The following QTMAN variants were observed in gnomAD, a reference collection of about 807,000 sequenced individuals.
The protein encoded by QTMAN is tRNA-queuosine alpha-mannosyltransferase.
At chr2:143,963,524 TTG>T in the QTMAN span, among the ~76,000 whole-genome samples, 1 of 152,008 alleles carries the variant, frequency 6.6e-6, no homozygotes, top group Non-Finnish European at 1.5e-5. Flanking sequence ...ATGGTACTCT[TTG>T]AAAAGTTCTC....
the QTMAN span, among the ~76,000 whole-genome samples, chr2:144,136,414 G>GGAAAGGAAAC: frequency 6.9e-6 from 1 of 144,712 alleles, no homozygotes; most frequent in African/African-American, 2.6e-5. Context: ...GGAAAGGAAA[G>GGAAAGGAAAC]GAAAGGAAAG....
At chr2:143,957,376 T>C in the QTMAN span, 1 of 1,397,118 alleles carries the variant, frequency 7.2e-7, no homozygotes, top group Non-Finnish European at 9.7e-7. Flanking sequence ...ATCTATTTAA[T>C]ATAGTGTAAA....
the QTMAN span, among the ~76,000 whole-genome samples, chr2:144,297,281 G>A: frequency 5.3e-5 from 8 of 152,058 alleles, no homozygotes; most frequent in African/African-American, 1.4e-4. Flanking sequence ...ACTGAATTCA[G>A]ACATTGTTTT....
the QTMAN span, among the ~76,000 whole-genome samples, chr2:144,130,855 C>G: frequency 6.6e-6 from 1 of 151,854 alleles, no homozygotes; most frequent in African/African-American, 2.4e-5. Context: ...ACCACACTGT[C>G]TTATCAACAT....
chr2:144,218,804 T>C, the QTMAN span, among the ~76,000 whole-genome samples: 1 of 150,820 alleles, frequency 6.6e-6, no homozygotes, highest in Non-Finnish European at 1.5e-5. Flanking sequence ...ATGAAATAAA[T>C]GTCACTGAGT....
the QTMAN span, among the ~76,000 whole-genome samples, chr2:144,180,540 T>A: frequency 6.6e-6 from 1 of 152,216 alleles, no homozygotes; most frequent in Admixed American, 6.5e-5. Flanking sequence ...GTAAAGATGG[T>A]ATTTTTGATG....
the QTMAN span, among the ~76,000 whole-genome samples, chr2:143,983,471 T>G: frequency 8.1e-6 from 1 of 123,974 alleles, no homozygotes; most frequent in Admixed American, 8.2e-5. Context: ...TTTTGAGGTT[T>G]TTTTTTTTTT....
chr2:144,097,519 G>A, the QTMAN span, among the ~76,000 whole-genome samples: 6 of 152,086 alleles, frequency 3.9e-5, no homozygotes, highest in Admixed American at 6.6e-5. Flanking sequence ...TCCAACTCAC[G>A]CACTTGTTTT....
chr2:144,105,805 G>T, the QTMAN span, among the ~76,000 whole-genome samples: 1 of 152,148 alleles, frequency 6.6e-6, no homozygotes, highest in South Asian at 2.1e-4. Flanking sequence ...ATAATTGTCA[G>T]ATTCACCAAA....
the QTMAN span, among the ~76,000 whole-genome samples, chr2:144,073,144 C>T: frequency 6.6e-6 from 1 of 151,780 alleles, no homozygotes; most frequent in Admixed American, 6.6e-5. Context: ...AACAACATAG[C>T]CAATCAAAAT....
the QTMAN span, among the ~76,000 whole-genome samples, chr2:144,223,870 CA>C: frequency 6.6e-6 from 1 of 152,170 alleles, no homozygotes; most frequent in Admixed American, 6.5e-5. Context: ...TGTCAAAAAT[CA>C]ATTCAGTTAT....
chr2:144,151,695 GA>G, the QTMAN span, among the ~76,000 whole-genome samples: 1 of 152,116 alleles, frequency 6.6e-6, no homozygotes, highest in African/African-American at 2.4e-5. Flanking sequence ...GAAACTCAAT[GA>G]TACATACACA....
chr2:144,254,228 C>A, the QTMAN span, among the ~76,000 whole-genome samples: 51 of 152,298 alleles, frequency 3.3e-4, no homozygotes, highest in South Asian at 1.5e-3. Flanking sequence ...TCAAGACCAG[C>A]CTGGCCAAAG....
At chr2:144,019,922 G>C in the QTMAN span, among the ~76,000 whole-genome samples, 1 of 152,158 alleles carries the variant, frequency 6.6e-6, no homozygotes, top group Non-Finnish European at 1.5e-5. Context: ...CAAAATAATT[G>C]AATTTGTTTG....
chr2:143,979,845 C>T, the QTMAN span, among the ~76,000 whole-genome samples: 1 of 152,182 alleles, frequency 6.6e-6, no homozygotes, highest in Non-Finnish European at 1.5e-5. Context: ...AAAGTGACAT[C>T]TAGCTCTTTC....
At chr2:144,099,321 T>A in the QTMAN span, among the ~76,000 whole-genome samples, 1 of 152,138 alleles carries the variant, frequency 6.6e-6, no homozygotes, top group Non-Finnish European at 1.5e-5. Flanking sequence ...AACCAGTAAG[T>A]ACTGTTTTTC....
the QTMAN span, among the ~76,000 whole-genome samples, chr2:144,287,093 G>A: frequency 1.3e-5 from 2 of 152,280 alleles, no homozygotes; most frequent in South Asian, 4.1e-4. Flanking sequence ...AGGTGGTAGT[G>A]GCCAATGTCA....
At chr2:144,088,585 A>ATGCT in the QTMAN span, among the ~76,000 whole-genome samples, 1 of 152,254 alleles carries the variant, frequency 6.6e-6, no homozygotes, top group South Asian at 2.1e-4. Flanking sequence ...ACAAGTCTAC[A>ATGCT]GTAAACAGAA....
chr2:144,178,418 T>C, the QTMAN span: 1 of 152,198 alleles, frequency 6.6e-6, no homozygotes, highest in Admixed American at 6.5e-5. Context: ...GGATGCTATG[T>C]TTCTGTTTTG....
Sources: allele counts gnomAD v4.1 joint callset (sites outside exome capture counted in the v4.1 genomes callset), GRCh38; gene constraint gnomAD v4.1.1; transcripts MANE v1.5; gene names NCBI Gene and HGNC (gene_info 2026-07-23, HGNC 2026-07-21).